The following NDST4 variants were observed in gnomAD, a reference collection of about 807,000 sequenced individuals.
NDST4 encodes the protein N-heparan sulfate sulfotransferase 4.
NDST4 carries 63 observed loss-of-function variants against 100.8 expected under a neutral mutation model. That is an observed-to-expected ratio of 0.62 (90% CI 0.51 to 0.77). The LOEUF (loss-of-function observed/expected upper bound fraction) is 0.77, where lower values mean the gene tolerates loss of function less well. NDST4 is among the 30% of genes least tolerant of loss of function. The pLI, the probability that NDST4 is intolerant of heterozygous loss-of-function variation, is 0.00. For synonymous variants in NDST4, 377 were observed against 361.8 expected, an observed-to-expected ratio of 1.04 and a Z score of -0.48; for missense variants, 943 against 1,018.4, an observed-to-expected ratio of 0.93 and a Z score of 1.01.
rs1729080828 is a variant in NDST4, at chr4:115,071,655, C to A, written c.978+4404G>T. On this transcript the variant is annotated intron_variant, in intron 2 of 13. Coordinates refer to ENST00000264363, the MANE Select transcript of NDST4 (RefSeq NM_022569.3). ...ATATAGAAAATTGTCGGTAGCTATGCAACACCATTGTTCTAGAATTGGGGT... is the reference window on the plus strand; with the variant it reads ...ATATAGAAAATTGTCGGTAGCTATGAAACACCATTGTTCTAGAATTGGGGT... Among the ~76,000 whole-genome samples the A allele has an allele frequency of 2.0e-5, 3 of 151,652 alleles. No individual in the cohort carries two copies. The South Asian group carries it at 6.2e-4, about 32-fold the overall frequency.
At chr4:114,948,223 G>A (rs2126230937) in intron 4 of NDST4, among the ~76,000 whole-genome samples, 1 of 152,050 alleles carries the variant, frequency 6.6e-6, no homozygotes, top group East Asian at 1.9e-4. Flanking sequence ...ATGGAAAAAT[G>A]TTTTAAACAT....
At chr4:114,981,458 T>G (rs1026901930) in intron 2 of NDST4, among the ~76,000 whole-genome samples, 3 of 152,074 alleles carry the variant, frequency 2.0e-5, no homozygotes, top group Admixed American at 1.3e-4. Flanking sequence ...AAATGTGCAC[T>G]TCATCATATA....
chr4:114,944,619 C>T (rs1725820530), intron 4 of NDST4, among the ~76,000 whole-genome samples: 1 of 152,196 alleles, frequency 6.6e-6, no homozygotes, highest in Non-Finnish European at 1.5e-5. Context: ...CACAGATTAA[C>T]ACTATGGTGA....
At chr4:114,915,361 C>G (rs1725147118) in intron 6 of NDST4, among the ~76,000 whole-genome samples, 1 of 152,138 alleles carries the variant, frequency 6.6e-6, no homozygotes, top group African/African-American at 2.4e-5. Context: ...ATTATCCCCC[C>G]ACTTACACCA....
intron 2 of NDST4, among the ~76,000 whole-genome samples, chr4:115,037,019 G>A (rs1320152867): frequency 6.6e-6 from 1 of 151,888 alleles, no homozygotes; most frequent in Non-Finnish European, 1.5e-5. Context: ...TGTTTTAATA[G>A]AGAAAAAGAT....
chr4:115,022,339 ACG>A (rs1350301623), intron 2 of NDST4, among the ~76,000 whole-genome samples: 5 of 140,134 alleles, frequency 3.6e-5, no homozygotes, highest in Non-Finnish European at 6.1e-5. Context: ...TATGTGTTCC[ACG>A]TACATATGTG....
At chr4:114,905,067 T>A (rs554566327) in intron 6 of NDST4, among the ~76,000 whole-genome samples, 3 of 151,576 alleles carry the variant, frequency 2.0e-5, no homozygotes, top group South Asian at 2.1e-4. Context: ...CAGCCTGTAA[T>A]GATTTGTTTG....
At chr4:115,039,269 G>A (rs531093528) in intron 2 of NDST4, among the ~76,000 whole-genome samples, 2 of 152,174 alleles carry the variant, frequency 1.3e-5, no homozygotes, top group East Asian at 1.9e-4. Context: ...GATGCCCACT[G>A]GAAATCATTG....
chr4:115,006,173 T>C (rs1727413610), intron 2 of NDST4, among the ~76,000 whole-genome samples: 2 of 150,894 alleles, frequency 1.3e-5, no homozygotes, highest in Non-Finnish European at 3.0e-5. Context: ...ACACAAAACA[T>C]ACATTCAGGA....
At chr4:114,964,121 G>T (rs943318395) in intron 4 of NDST4, among the ~76,000 whole-genome samples, 2 of 152,138 alleles carry the variant, frequency 1.3e-5, no homozygotes, top group African/African-American at 4.8e-5. Context: ...CTCTAATGAA[G>T]CCAATTACTG....
chr4:114,914,195 G>T lies in NDST4; in HGVS notation c.1536+21011C>A, dbSNP rs573662887. Among the ~76,000 whole-genome samples the T allele has an allele frequency of 2.0e-5, 3 of 152,156 alleles. No homozygotes were observed. The South Asian group carries it at 6.2e-4, about 32-fold the overall frequency. ...TTACCAGAAGCTGGGAAGGGTATCA[G>T]GGCATTGGGGGGAGGTGGGGATAAT... On this transcript the variant is annotated intron_variant, in intron 6 of 13. Coordinates refer to ENST00000264363, the MANE Select transcript of NDST4 (RefSeq NM_022569.3).
intron 7 of NDST4, among the ~76,000 whole-genome samples, chr4:114,869,929 T>C (rs1156854283): frequency 6.6e-6 from 1 of 152,118 alleles, no homozygotes; most frequent in East Asian, 1.9e-4. Context: ...ACAAACAGTC[T>C]TGACCAGAGG....
In NDST4 at chr4:114,937,483, G is replaced by A. The variant is rs139847624; in HGVS notation, c.1242C>T (p.Asn414=). 2.0e-4 allele frequency: 312 copies of A among 1,580,082 alleles called. 1 individual carries two copies. In the African/African-American group the frequency reaches 3.8e-3, roughly 19 times the overall value. The stretch of plus-strand genomic sequence containing the variant: ...GATGTGGGGCCACAGCATAGCCCAT[G>A]TTGATTGGTATTCCATGTTCCTAAA... ...EFALEHGIPI[N]MGYAVAPHHS... is the part of the protein sequence containing the mutation. Residue 414 remains asparagine, a synonymous_variant, in exon 5 of 14, where the codon AAC becomes AAT. Transcript: ENST00000264363.
Position 115,075,558 on chromosome 4 carries a change from G to A in NDST4, c.978+501C>T, listed in dbSNP as rs914934055. ...TCCCAGCACTTTGGAAGGTCAAGGCGGGTGGATCACGAGGTCAGGAGTTTA... is the reference window on the plus strand; with the variant it reads ...TCCCAGCACTTTGGAAGGTCAAGGCAGGTGGATCACGAGGTCAGGAGTTTA... On this transcript the variant is annotated intron_variant, in intron 2 of 13. Transcript: ENST00000264363. 5.3e-5 allele frequency among the ~76,000 whole-genome samples: 8 copies of A among 152,160 alleles called. No individual in the cohort carries two copies. The South Asian group carries it at 8.3e-4, about 16-fold the overall frequency.
intron 2 of NDST4, among the ~76,000 whole-genome samples, chr4:115,023,355 C>T (rs556037432): frequency 2.6e-5 from 4 of 152,034 alleles, no homozygotes; most frequent in African/African-American, 9.6e-5. Flanking sequence ...TATGATGATG[C>T]ATGCCTGTAA....
chr4:115,070,357 A>T (rs1158411592), intron 2 of NDST4, among the ~76,000 whole-genome samples: 6 of 152,184 alleles, frequency 3.9e-5, no homozygotes. Flanking sequence ...GTGGGAGCTA[A>T]AAGATGAGAA....
intron 2 of NDST4, among the ~76,000 whole-genome samples, chr4:114,988,990 T>A (rs953148158): frequency 8.5e-5 from 13 of 152,164 alleles, no homozygotes; most frequent in African/African-American, 2.9e-4. Flanking sequence ...GTGGAAAGTC[T>A]CTCCCTCTGA....
intron 4 of NDST4, among the ~76,000 whole-genome samples, chr4:114,964,739 G>A (rs1352674809): frequency 6.6e-6 from 1 of 152,088 alleles, no homozygotes; most frequent in African/African-American, 2.4e-5. Flanking sequence ...AATGCCCCTT[G>A]ATTATTAAAT....
intron 6 of NDST4, among the ~76,000 whole-genome samples, chr4:114,908,229 T>C (rs995087012): frequency 6.6e-6 from 1 of 152,148 alleles, no homozygotes; most frequent in African/African-American, 2.4e-5. Flanking sequence ...AGCTAAGATA[T>C]AAATGAATTA....
Sources: gnomAD v4.1 joint callset for allele counts (sites outside exome capture counted in the v4.1 genomes callset) on GRCh38, gnomAD v4.1.1 for gene constraint, MANE v1.5 for transcripts, NCBI Gene and HGNC (gene_info 2026-07-23, HGNC 2026-07-21) for gene names.